Variants in ZNF500 observed in about 807,000 individuals in gnomAD.
The protein encoded by ZNF500 is zinc finger protein 500.
A neutral mutation model predicts 30.1 loss-of-function variants in ZNF500; 31 were observed. That is an observed-to-expected ratio of 1.03 (90% CI 0.77 to 1.39). ZNF500 has a LOEUF of 1.39. Ranked by LOEUF, ZNF500 falls within the 40% of genes most tolerant of loss-of-function variation. The probability of loss-of-function intolerance (pLI) is 0.00; values close to 1 mark genes in which losing one functional copy is unlikely to be tolerated. For synonymous variants in ZNF500, 392 were observed against 282.0 expected (o/e 1.39, Z -3.91); for missense variants, 817 against 657.8 (o/e 1.24, Z -2.65).
In ZNF500 at chr16:4,750,321, T is replaced by TA. The variant is rs918407135; in HGVS notation, c.*2054dup. 12 of 150,530 alleles carry TA rather than the reference T, an allele frequency of 8.0e-5. No individual in the cohort carries two copies. Among genetic ancestry groups the TA allele is most frequent in the South Asian group, 4.2e-4 (2 of 4,774 alleles). The allele number at this position is 150,530 out of a possible 1,614,324, so 9.3% of individuals were successfully genotyped here. On this transcript the variant is annotated 3_prime_UTR_variant, in exon 6 of 6. Transcript: ENST00000219478. ...CACACAGGGGCCAGAAGCAATGACT[T>TA]AAAAAAAAAATTGTTTATTTTATCT...
At chr16:4,744,794 T>A, downstream of ZNF500, 1 of 1,508,126 alleles carries the variant, frequency 6.6e-7, no homozygotes, top group Admixed American at 1.7e-5. Flanking sequence ...ACCCCAGGGG[T>A]CCTGAGGCTC....
chr16:4,762,861 C>T (rs2082222068), intron 2 of ZNF500, 105 bp from the exon 3 acceptor site: 6 of 1,448,166 alleles, frequency 4.1e-6, no homozygotes, highest in Non-Finnish European at 3.6e-6. Context: ...CGGCTGCCCA[C>T]CCCCGGGCTG....
At position 4,760,529 on chromosome 16, in the gene ZNF500, C is replaced by A; in HGVS notation, c.723G>T (p.Met241Ile). Reference sequence around the variant, plus strand: ...GCGGCGCGTCCCGCTGAGCTGGGTCCATGCATCTTGGCTCCTCCCCAGAAA... The same window carrying A: ...GCGGCGCGTCCCGCTGAGCTGGGTCAATGCATCTTGGCTCCTCCCCAGAAA... ...VYLSGEEPRC[M>I]DPAQRDAPLE... Residue 241 changes from methionine to isoleucine, a missense_variant, in exon 5 of 6, where the codon ATG becomes ATT. Physicochemically the swap from Met to Ile is conservative, Grantham distance 10. Transcript: ENST00000219478. 1 of 1,613,838 alleles carries A rather than the reference C, an allele frequency of 6.2e-7. No individual in the cohort carries two copies. Among genetic ancestry groups the A allele is most frequent in the South Asian group, 1.1e-5 (1 of 90,976 alleles).
At chr16:4,763,322 T>C (rs2082228094) in intron 2 of ZNF500, among the ~76,000 whole-genome samples, 1 of 149,518 alleles carries the variant, frequency 6.7e-6, no homozygotes, top group Non-Finnish European at 1.5e-5. Context: ...TCGCTTGAAC[T>C]CGGGAAGTAC....
At chr16:4,766,181 T>TGGAAAA (rs2082263811) in intron 1 of ZNF500, 105 bp from the exon 2 acceptor site, 1 of 498,488 alleles carries the variant, frequency 2.0e-6, no homozygotes, top group Non-Finnish European at 3.4e-6. Context: ...CACCCCACCA[T>TGGAAAA]GGAAAAGGAA....
In ZNF500 at chr16:4,765,627, C is replaced by G. The variant is rs749978769; in HGVS notation, c.352G>C (p.Gly118Arg). The change falls in exon 2 of 6, where the codon GGT becomes CGT. Residue 118 changes from glycine (G) to arginine (R), a missense_variant. Coordinates refer to ENST00000219478, the MANE Select transcript of ZNF500 (RefSeq NM_021646.4). ...TCCACAAGGACCACGGCCTCCTCAC[C>G]GCTCTCCGGCTGCTGCTCGCGTACC... ...ARVREQQPESGEEAVVLVEGL... is the reference protein window; with the variant it reads ...ARVREQQPESREEAVVLVEGL... 2 of 1,613,292 alleles carry G rather than the reference C, an allele frequency of 1.2e-6. No individual in the cohort carries two copies. The highest frequency in any genetic ancestry group is 1.7e-6 in the Non-Finnish European group (2 of 1,179,846).
Position 4,749,274 on chromosome 16 carries a change from C to G in ZNF500, c.*3102G>C, listed in dbSNP as rs1252334530. 1.9e-5 allele frequency: 3 copies of G among 154,480 alleles called. No homozygotes were observed. The highest frequency in any genetic ancestry group is 1.5e-5 in the Non-Finnish European group (1 of 68,244). 9.6% of individuals were successfully genotyped at this position (154,480 alleles called of 1,614,324 possible). On this transcript the variant is annotated 3_prime_UTR_variant, in exon 6 of 6. Coordinates refer to ENST00000219478, the MANE Select transcript of ZNF500 (RefSeq NM_021646.4). Reference sequence around the variant, plus strand: ...GCCTCCGCTGTGGCTGCCTAGCTGTCAAGAGCAAAGGCTTTTTTTTTCTTC... The same window carrying G: ...GCCTCCGCTGTGGCTGCCTAGCTGTGAAGAGCAAAGGCTTTTTTTTTCTTC...
chr16:4,752,406 C>A lies in ZNF500; in HGVS notation c.1413G>T (p.Val471=), dbSNP rs1237733154. The change falls in exon 6 of 6, where the codon GTG becomes GTT. Residue 471 remains valine (V), a synonymous_variant. Transcript: ENST00000219478. ...GAGSLPTLQP[V]APGGPGAKA ...CTTTGGCACCGGGGCCTCCAGGAGCCACCGGCTGGAGCGTCGGCAAGGAGC... is the reference window on the plus strand; with the variant it reads ...CTTTGGCACCGGGGCCTCCAGGAGCAACCGGCTGGAGCGTCGGCAAGGAGC... 3 of 1,520,964 alleles carry A rather than the reference C, an allele frequency of 2.0e-6. No homozygotes were observed. The highest frequency in any genetic ancestry group is 2.4e-5 in the South Asian group (2 of 82,686). 94.2% of individuals were successfully genotyped at this position (1,520,964 alleles called of 1,614,324 possible).
chr16:4,763,933 T>G (rs1596506673), intron 2 of ZNF500: 1 of 985,276 alleles, frequency 1.0e-6, no homozygotes, highest in Non-Finnish European at 1.2e-6. Flanking sequence ...AGGCAGCTGG[T>G]CAGCACTGCC....
chr16:4,762,358 C>G lies in ZNF500; in HGVS notation c.599-23G>C, dbSNP rs751695407. The stretch of plus-strand genomic sequence containing the variant: ...GGCCTGGGAAGGAGCAGAGTCACCA[C>G]CAGTCACACAGCTCACCCAGTACTG... On this transcript the variant is annotated intron_variant, in intron 3 of 5. Transcript: ENST00000219478. The G allele has an allele frequency of 3.1e-6, 5 of 1,594,080 alleles. No individual in the cohort carries two copies. The South Asian group carries it at 4.5e-5, about 15-fold the overall frequency.
At chr16:4,762,400 C>T (rs998564734) in intron 3 of ZNF500, 65 bp from the exon 4 acceptor site, 1 of 1,542,728 alleles carries the variant, frequency 6.5e-7, no homozygotes, top group Non-Finnish European at 8.8e-7. Context: ...CCGTCCCCTG[C>T]ACACCAAGGC....
intron 5 of ZNF500, among the ~76,000 whole-genome samples, chr16:4,760,217 G>A (rs144529832): frequency 7.7e-4 from 117 of 152,294 alleles, no homozygotes; most frequent in African/African-American, 2.6e-3. Context: ...CTGCCCTTGA[G>A]AGGAGGGCAC....
At chr16:4,747,088 C>A, downstream of ZNF500, 1 of 1,437,976 alleles carries the variant, frequency 7.0e-7, no homozygotes, top group Non-Finnish European at 9.3e-7. Flanking sequence ...GCAGCAAGCC[C>A]TCCACCTGGC....
chr16:4,746,959 A>T (rs928939650), downstream of ZNF500: 1 of 1,553,826 alleles, frequency 6.4e-7, no homozygotes, highest in Non-Finnish European at 8.7e-7. Context: ...AGTGAGGAGG[A>T]GGAGGAGGAA....
downstream of ZNF500, chr16:4,746,768 A>T: frequency 1.3e-6 from 1 of 761,080 alleles, no homozygotes; most frequent in Non-Finnish European, 2.1e-6. Context: ...CATCACCCAC[A>T]CCTGTCCTCA....
chr16:4,747,470 G>A, downstream of ZNF500: 1 of 1,613,264 alleles, frequency 6.2e-7, no homozygotes, highest in South Asian at 1.1e-5. Context: ...AGACACAGCT[G>A]GATCACGAAC....
intron 2 of ZNF500, chr16:4,763,096 T>C (rs953870682): frequency 1.0e-6 from 1 of 985,332 alleles, no homozygotes; most frequent in Non-Finnish European, 1.2e-6. Flanking sequence ...CTGCATTTGC[T>C]AGATTTTTTG....
intron 5 of ZNF500, chr16:4,756,747 A>C (rs1005453806): frequency 6.6e-6 from 1 of 151,884 alleles, no homozygotes; most frequent in Admixed American, 6.6e-5. Context: ...CGATCTCTTG[A>C]CCTCGTGATC....
intron 2 of ZNF500, chr16:4,763,932 G>A: frequency 1.0e-6 from 1 of 985,466 alleles, no homozygotes; most frequent in Non-Finnish European, 1.2e-6. Context: ...AAGGCAGCTG[G>A]TCAGCACTGC....
Sources: allele counts gnomAD v4.1 joint callset (sites outside exome capture counted in the v4.1 genomes callset), GRCh38; gene constraint gnomAD v4.1.1; transcripts MANE v1.5; gene names NCBI Gene and HGNC (gene_info 2026-07-23, HGNC 2026-07-21).